FPGS: variants seen among roughly 807,000 people sequenced by gnomAD.
FPGS encodes the protein folylpolyglutamate synthase, mitochondrial.
In FPGS, 53 loss-of-function variants were observed where a neutral mutation model predicts 66.5. That is an observed-to-expected ratio of 0.80 (90% CI 0.64 to 1.00). The LOEUF is 1.00. Among genes scored for constraint, FPGS ranks in the 50% least tolerant of loss-of-function variants. FPGS has a pLI of 0.00. For synonymous variants in FPGS, 348 were observed against 350.9 expected (o/e 0.99, Z 0.09); for missense variants, 702 against 807.7 (o/e 0.87, Z 1.59).
At chr9:127,812,923 G>T (rs766392191) in intron 14 of FPGS, among the ~76,000 whole-genome samples, 1 of 152,210 alleles carries the variant, frequency 6.6e-6, no homozygotes, top group East Asian at 1.9e-4. Flanking sequence ...GAGACAATGA[G>T]GCCAGAGTGG....
chr9:127,813,148 T>A (rs752744295), intron 14 of FPGS, 47 bp from the exon 15 acceptor site: 9 of 1,518,496 alleles, frequency 5.9e-6, no homozygotes, highest in Non-Finnish European at 6.2e-6. Flanking sequence ...CCCCTGTCCC[T>A]TACTCCCTCT....
chr9:127,807,252 C>T lies in FPGS; in HGVS notation c.545C>T (p.Thr182Ile). The T allele has an allele frequency of 1.2e-6, 2 of 1,614,170 alleles. No individual in the cohort carries two copies. The highest frequency in any genetic ancestry group is 1.7e-6 in the Non-Finnish European group (2 of 1,180,018). ...ATGCCCCCCTACTTCCGCTTCCTGACACTCATGGCCTTCCACGTCTTCCTC... is the reference window on the plus strand; with the variant it reads ...ATGCCCCCCTACTTCCGCTTCCTGATACTCATGGCCTTCCACGTCTTCCTC... Reference protein sequence around the residue: ...VSMPPYFRFLTLMAFHVFLQE... With the variant: ...VSMPPYFRFLILMAFHVFLQE... The change falls in exon 6 of 15, where the codon ACA becomes ATA. Residue 182 changes from threonine (T) to isoleucine (I), a missense_variant. Thr to Ile is a moderately conservative substitution (Grantham distance 89). Around this residue, in one of 3 missense-constraint regions of FPGS, gnomAD observed 240 missense variants for 348.6 expected, o/e 0.69. Transcript: ENST00000373247. This position sits in a 1 kb window ranked among gnomAD's most constrained non-coding sequence, Gnocchi z 5.8.
chr9:127,813,692 C>T lies in FPGS; in HGVS notation c.*88C>T. 1.4e-6 allele frequency: 2 copies of T among 1,432,488 alleles called. No homozygotes were observed. The highest frequency in any genetic ancestry group is 1.8e-6 in the Non-Finnish European group (2 of 1,093,698). 88.7% of individuals were successfully genotyped at this position (1,432,488 alleles called of 1,614,324 possible). ...CATACTAGGTGCCTTTTGTTTTTGG[C>T]TTTCCTGGTTCTGTCTAGACTGGCC... On this transcript the variant is annotated 3_prime_UTR_variant, in exon 15 of 15. Coordinates refer to ENST00000373247, the MANE Select transcript of FPGS (RefSeq NM_004957.6).
chr9:127,806,056 G>GC (rs1433007726), intron 4 of FPGS, among the ~76,000 whole-genome samples: 37 of 152,128 alleles, frequency 2.4e-4, no homozygotes, highest in Admixed American at 2.4e-3. Flanking sequence ...GAAACATAAG[G>GC]CACCAACCTG....
At position 127,813,176 on chromosome 9, in the gene FPGS, C is replaced by T. The variant is rs770252126; in HGVS notation, c.1355-19C>T. The T allele has an allele frequency of 1.8e-5, 28 of 1,547,510 alleles. No individual in the cohort carries two copies. The highest frequency in any genetic ancestry group is 2.4e-5 in the Non-Finnish European group (27 of 1,143,236). On this transcript the variant is annotated intron_variant, in intron 14 of 14. Coordinates refer to ENST00000373247, the MANE Select transcript of FPGS (RefSeq NM_004957.6). ...CTCCCTCTCCCCTTCGCTGATAGGCCTTTCTCTGTGCCCCACAGACCAACA... is the reference window on the plus strand; with the variant it reads ...CTCCCTCTCCCCTTCGCTGATAGGCTTTTCTCTGTGCCCCACAGACCAACA...
At chr9:127,806,603 T>C (rs942967434) in intron 4 of FPGS, 2 of 239,952 alleles carry the variant, frequency 8.3e-6, no homozygotes, top group African/African-American at 4.4e-5. Flanking sequence ...GGGCTGCAGC[T>C]TGAACATTGG....
chr9:127,809,783 C>A lies in FPGS; in HGVS notation c.1160C>A (p.Ala387Asp). 1.3e-6 allele frequency: 2 copies of A among 1,553,512 alleles called. No homozygotes were observed. Among genetic ancestry groups the A allele is most frequent in the Non-Finnish European group, 1.7e-6 (2 of 1,162,032 alleles). ...GCGCACACCGCCAGCAGCGCGCAGGCCTGCGTGCGCTGGTTCCGCCAGGCG... is the reference window on the plus strand; with the variant it reads ...GCGCACACCGCCAGCAGCGCGCAGGACTGCGTGCGCTGGTTCCGCCAGGCG... Reference protein sequence around the residue: ...DGAHTASSAQACVRWFRQALQ... With the variant: ...DGAHTASSAQDCVRWFRQALQ... Residue 387 changes from alanine (A) to aspartate (D), a missense_variant, in exon 12 of 15, where the codon GCC (alanine) becomes GAC (aspartate). Coordinates refer to ENST00000373247, the MANE Select transcript of FPGS (RefSeq NM_004957.6).
intron 13 of FPGS, 127 bp downstream of exon 13, chr9:127,810,233 G>A (rs1830018831): frequency 1.2e-6 from 1 of 816,692 alleles, no homozygotes; most frequent in Non-Finnish European, 2.0e-6. Flanking sequence ...CAAGGTGCCT[G>A]TGCTGGTTCT....
intron 11 of FPGS, 33 bp downstream of exon 11, chr9:127,808,922 C>A: frequency 7.0e-7 from 1 of 1,423,800 alleles, no homozygotes; most frequent in Non-Finnish European, 9.6e-7. Flanking sequence ...GCTGGGACCA[C>A]TGCGTGTGTC....
In FPGS at chr9:127,808,653, C is replaced by T. The variant is rs373230782; in HGVS notation, c.918C>T (p.Ala306=). Residue 306 remains alanine, a synonymous_variant, in exon 10 of 15, where the codon GCC becomes GCT. Coordinates refer to ENST00000373247, the MANE Select transcript of FPGS (RefSeq NM_004957.6). ...AGGGGGAGCACCAGCGGTCCAACGC[C>T]GCCTTGGCCTTGCAGCTGGCCCACT... is the stretch of plus-strand genomic sequence containing the variant. The part of the protein sequence containing the change: ...GLEGEHQRSN[A]ALALQLAHCW... 1.4e-4 allele frequency: 232 copies of T among 1,606,254 alleles called. 4 individuals carry two copies. In the South Asian group the frequency reaches 1.8e-3, roughly 12 times the overall value.
In FPGS at chr9:127,813,621, G is replaced by A. The variant is rs746990348; in HGVS notation, c.*17G>A. 2.7e-5 allele frequency: 40 copies of A among 1,504,426 alleles called. No individual in the cohort carries two copies. The South Asian group carries it at 5.0e-4, about 19-fold the overall frequency. The allele number at this position is 1,504,426 out of a possible 1,614,324, so 93.2% of individuals were successfully genotyped here. On this transcript the variant is annotated 3_prime_UTR_variant, in exon 15 of 15. Transcript: ENST00000373247. ...TCCCAGTAGCCAAGGCCCGGGGTTG[G>A]AGGTGGGAGCTTCCCACACCTGCCT...
chr9:127,809,980 G>A lies in FPGS; in HGVS notation c.1212-51G>A, dbSNP rs368650463. ...CGTGGGCGGGGACGGGATTGGTACC[G>A]CAGGGAGAACGGGCGGCGCCCTTTG... On this transcript the variant is annotated intron_variant, in intron 12 of 14. Transcript: ENST00000373247. 779 of 1,549,184 alleles carry A rather than the reference G, an allele frequency of 5.0e-4. 1 individual carries two copies. The highest frequency in any genetic ancestry group is 1.2e-3 in the South Asian group (103 of 85,286).
downstream of FPGS, chr9:127,814,092 C>G (rs952478571): frequency 1.0e-6 from 1 of 986,772 alleles, no homozygotes; most frequent in Non-Finnish European, 1.2e-6. Flanking sequence ...CCCTTGACCC[C>G]CTGCTCCCTC....
rs926645875 is a variant in FPGS at position 127,807,322 on chromosome 9, C to T, written c.579+36C>T. On this transcript the variant is annotated intron_variant, in intron 6 of 14. Transcript: ENST00000373247. This position sits in a 1 kb window ranked among gnomAD's most constrained non-coding sequence, Gnocchi z 5.8. ...TCTCCCTAGAACCCTGCATCTGAGG[C>T]CTTGGGAACGGGAACCTCAGCAGGC... is the stretch of plus-strand genomic sequence containing the variant. 1 of 1,612,914 alleles carries T rather than the reference C, an allele frequency of 6.2e-7. No individual in the cohort carries two copies. The highest frequency in any genetic ancestry group is 8.5e-7 in the Non-Finnish European group (1 of 1,178,966).
rs1829942071 is a variant in FPGS at position 127,808,861 on chromosome 9, G to A, written c.1032G>A (p.Val344=). 6.4e-7 allele frequency: 1 copy of A among 1,563,020 alleles called. No individual in the cohort carries two copies. Among genetic ancestry groups the A allele is most frequent in the African/African-American group, 1.4e-5 (1 of 73,542 alleles). The change falls in exon 11 of 15, where the codon GTG becomes GTA. Residue 344 remains valine, a synonymous_variant. Transcript: ENST00000373247. ...GLLWQLPLAP[V]FQPTSHMRLG... ...TGTGGCAGCTGCCCCTGGCACCTGT[G>A]TTCCAGCCCACATCCCACATGCGGC...
chr9:127,807,740 C>T lies in FPGS; in HGVS notation c.744+52C>T, dbSNP rs766678221. 16 of 1,170,696 alleles carry T rather than the reference C, an allele frequency of 1.4e-5. No homozygotes were observed. The African/African-American group carries it at 1.4e-4, about 10-fold the overall frequency. The allele number at this position is 1,170,696 out of a possible 1,614,324, so 72.5% of individuals were successfully genotyped here. A position where few individuals can be genotyped will look rare whatever the true frequency, so the allele number is the denominator to read the frequency against. On this transcript the variant is annotated intron_variant, in intron 8 of 14. Coordinates refer to ENST00000373247, the MANE Select transcript of FPGS (RefSeq NM_004957.6). This position sits in a 1 kb window ranked among gnomAD's most constrained non-coding sequence, Gnocchi z 5.8. ...GAGACATGGAAGGCCTGGGAGTCTA[C>T]GTTTTCATCCTGGCTTCACTGTGTG...
In FPGS at chr9:127,804,677, T is replaced by C; in HGVS notation, c.363T>C (p.Tyr121=). 1 of 1,614,080 alleles carries C rather than the reference T, an allele frequency of 6.2e-7. No homozygotes were observed. The highest frequency in any genetic ancestry group is 8.5e-7 in the Non-Finnish European group (1 of 1,180,012). The change falls in exon 4 of 15, where the codon TAT becomes TAC. Residue 121 remains tyrosine (Y), a synonymous_variant. Transcript: ENST00000373247. ...CAFTECILRS[Y]GLKTGFFSSP... ...TCACGGAATGTATCCTCCGAAGCTA[T>C]GGCCTGAAGACGGGATTCTTTAGGT...
At position 127,809,781 on chromosome 9, in the gene FPGS, G is replaced by C. The variant is rs756669526; in HGVS notation, c.1158G>C (p.Gln386His). ...LDGAHTASSA[Q>H]ACVRWFRQAL... Reference sequence around the variant, plus strand: ...GTGCGCACACCGCCAGCAGCGCGCAGGCCTGCGTGCGCTGGTTCCGCCAGG... The same window carrying C: ...GTGCGCACACCGCCAGCAGCGCGCACGCCTGCGTGCGCTGGTTCCGCCAGG... Residue 386 changes from glutamine (Q) to histidine (H), a missense_variant, in exon 12 of 15, where the codon CAG (glutamine) becomes CAC (histidine). Gln to His is a conservative substitution (Grantham distance 24). Around this residue, in one of 3 missense-constraint regions of FPGS, gnomAD observed 351 missense variants for 363.7 expected, o/e 0.97. Transcript: ENST00000373247. The C allele has an allele frequency of 8.8e-5, 138 of 1,560,278 alleles. No individual in the cohort carries two copies. The African/African-American group carries it at 1.6e-3, about 19-fold the overall frequency.
Position 127,813,790 on chromosome 9 carries a change from T to C in FPGS, c.*186T>C. On this transcript the variant is annotated 3_prime_UTR_variant, in exon 15 of 15. Coordinates refer to ENST00000373247, the MANE Select transcript of FPGS (RefSeq NM_004957.6). ...TAAGGCTCTGTGCCTTGGTCTCTCC[T>C]TCCTCTTGGCTGAGATAGCAGAGGG... The C allele has an allele frequency of 1.6e-6, 2 of 1,284,896 alleles. No individual in the cohort carries two copies. Among genetic ancestry groups the C allele is most frequent in the Admixed American group, 8.1e-5 (2 of 24,616 alleles). 79.6% of individuals were successfully genotyped at this position (1,284,896 alleles called of 1,614,324 possible).
Sources: gnomAD v4.1 joint callset for allele counts (sites outside exome capture counted in the v4.1 genomes callset) on GRCh38, gnomAD v4.1.1 for gene constraint, gnomAD v4.1.1 regional missense constraint, Gnocchi (gnomAD v3.1) non-coding constraint, MANE v1.5 for transcripts, NCBI Gene and HGNC (gene_info 2026-07-23, HGNC 2026-07-21) for gene names.